SYNJ2: variants seen among roughly 807,000 people sequenced by gnomAD.
The protein encoded by SYNJ2 is synaptojanin 2, also known as polyphosphatidylinositol phosphatase SYNJ2.
SYNJ2 carries 116 observed loss-of-function variants against 141.3 expected under a neutral mutation model. That is an observed-to-expected ratio of 0.82 (90% CI 0.71 to 0.96). SYNJ2 has a LOEUF of 0.96. SYNJ2 is among the 40% of genes least tolerant of loss of function. The pLI, the probability that SYNJ2 is intolerant of heterozygous loss-of-function variation, is 0.00. For synonymous variants in SYNJ2, 745 were observed against 777.7 expected, an observed-to-expected ratio of 0.96 and a Z score of 0.70; for missense variants, 1,873 against 1,934.8, an observed-to-expected ratio of 0.97 and a Z score of 0.60.
chr6:157,981,867 C>T lies in SYNJ2; in HGVS notation c.-95C>T. 1 of 1,118,372 alleles carries T rather than the reference C, an allele frequency of 8.9e-7. No homozygotes were observed. The highest frequency in any genetic ancestry group is 3.3e-5 in the East Asian group (1 of 30,062). The allele number at this position is 1,118,372 out of a possible 1,614,324, so 69.3% of individuals were successfully genotyped here. A position where few individuals can be genotyped will look rare whatever the true frequency, so the allele number is the denominator to read the frequency against. On this transcript the variant is annotated 5_prime_UTR_variant, in exon 1 of 27. Coordinates refer to ENST00000355585, the MANE Select transcript of SYNJ2 (RefSeq NM_003898.4). The surrounding 1 kb of genome is among the most constrained non-coding windows in gnomAD (Gnocchi z 6.4). ...GCGGGAGCGGCGGCGCAAAGTGAAA[C>T]TCTGGCAAGTTGCGGGCGCGCGGGG...
chr6:157,999,094 A>G (rs1777740571), intron 1 of SYNJ2, among the ~76,000 whole-genome samples: 1 of 152,276 alleles, frequency 6.6e-6, no homozygotes, highest in Non-Finnish European at 1.5e-5. Flanking sequence ...CCTATAGATC[A>G]TGAAGAAGGA....
chr6:158,013,985 G>A (rs1778361333), intron 1 of SYNJ2, among the ~76,000 whole-genome samples: 1 of 152,214 alleles, frequency 6.6e-6, no homozygotes, highest in African/African-American at 2.4e-5. Flanking sequence ...GATGATTCCT[G>A]ACTTACGATG....
intron 2 of SYNJ2, among the ~76,000 whole-genome samples, chr6:158,018,819 G>A (rs751390706): frequency 2.0e-5 from 3 of 152,254 alleles, no homozygotes; most frequent in Non-Finnish European, 4.4e-5. Context: ...CTTAGTTGGG[G>A]TTTGAAGCGC....
At chr6:157,992,120 G>A (rs181653935) in intron 1 of SYNJ2, among the ~76,000 whole-genome samples, 75 of 152,264 alleles carry the variant, frequency 4.9e-4, no homozygotes, top group Admixed American at 7.8e-4. Flanking sequence ...TATCTTTTGT[G>A]TTACAAACCA....
rs370094374 is a variant in SYNJ2, at chr6:158,097,953, G to C, written c.*1589G>C. 1 of 151,902 alleles carries C rather than the reference G, an allele frequency of 6.6e-6. No individual in the cohort carries two copies. Among genetic ancestry groups the C allele is most frequent in the African/African-American group, 2.4e-5 (1 of 41,338 alleles). The allele number at this position is 151,902 out of a possible 1,614,324, so 9.4% of individuals were successfully genotyped here. On this transcript the variant is annotated 3_prime_UTR_variant, in exon 27 of 27. Transcript: ENST00000355585. ...TCAGGATGCCGTTGGTGGCATTTACGTGCTTTATATGATTTTTACCTCTGT... is the reference window on the plus strand; with the variant it reads ...TCAGGATGCCGTTGGTGGCATTTACCTGCTTTATATGATTTTTACCTCTGT...
chr6:158,023,449 C>T (rs900519461), intron 2 of SYNJ2, among the ~76,000 whole-genome samples: 23 of 152,040 alleles, frequency 1.5e-4, no homozygotes, highest in African/African-American at 1.9e-4. Context: ...CTCCACACAG[C>T]GGTCCTGAGG....
At position 158,017,041 on chromosome 6, in the gene SYNJ2, G is replaced by A. The variant is rs777174174; in HGVS notation, c.128-163G>A. On this transcript the variant is annotated intron_variant, in intron 1 of 26. Transcript: ENST00000355585. ...CTGAATCCTTGCAGCTCTGTGATTC[G>A]CGAATCATAAAACCTCCACACTTGG... 94 of 1,334,178 alleles carry A rather than the reference G, an allele frequency of 7.0e-5. 1 individual carries two copies. Among genetic ancestry groups the A allele is most frequent in the African/African-American group, 1.0e-4 (7 of 67,098 alleles). The allele number at this position is 1,334,178 out of a possible 1,614,324, so 82.6% of individuals were successfully genotyped here.
chr6:158,093,245 C>T, intron 26 of SYNJ2, 141 bp downstream of exon 26: 1 of 908,142 alleles, frequency 1.1e-6, no homozygotes, highest in South Asian at 1.7e-5. Context: ...ACCAGCCTGA[C>T]CAACATGGTG....
At chr6:158,081,796 TA>T (rs1782709840) in intron 20 of SYNJ2, among the ~76,000 whole-genome samples, 1 of 151,796 alleles carries the variant, frequency 6.6e-6, no homozygotes, top group Non-Finnish European at 1.5e-5. Context: ...TAATTTTTTT[TA>T]AATTTTGTAG....
chr6:157,991,102 A>T (rs957167737), intron 1 of SYNJ2, among the ~76,000 whole-genome samples: 1 of 152,212 alleles, frequency 6.6e-6, no homozygotes, highest in African/African-American at 2.4e-5. Context: ...TGTATCACAG[A>T]TGGAGACTGC....
chr6:157,998,269 GC>G lies in SYNJ2; in HGVS notation c.127+16183del, dbSNP rs1364195334. On this transcript the variant is annotated intron_variant, in intron 1 of 26. Transcript: ENST00000355585. ...GCCAGAATCCCTTATAAAATTACCA[GC>G]CTTACAGAGCCCTGGGTTCACACAG... Among the ~76,000 whole-genome samples the G allele has an allele frequency of 6.6e-5, 10 of 152,214 alleles. 1 individual carries two copies. The highest frequency in any genetic ancestry group is 6.5e-4 in the Admixed American group (10 of 15,286).
chr6:158,076,921 C>T, intron 17 of SYNJ2, 139 bp downstream of exon 17: 1 of 1,061,298 alleles, frequency 9.4e-7, no homozygotes, highest in Non-Finnish European at 1.3e-6. Context: ...AAAGTCATCC[C>T]AGACCTTAAC....
intron 2 of SYNJ2, among the ~76,000 whole-genome samples, chr6:158,019,010 C>T (rs1316286773): frequency 6.6e-6 from 1 of 152,264 alleles, no homozygotes; most frequent in African/African-American, 2.4e-5. Flanking sequence ...AACTTGTTAA[C>T]ACGGCTCCCG....
At chr6:158,051,880 T>C (rs1056622052) in intron 5 of SYNJ2, among the ~76,000 whole-genome samples, 168 of 150,878 alleles carry the variant, frequency 1.1e-3, no homozygotes, top group African/African-American at 3.4e-3. Flanking sequence ...CATTTGAACC[T>C]GGGAGGTTGA....
In SYNJ2 at chr6:158,096,754, G is replaced by T; in HGVS notation, c.*390G>T. 6.2e-6 allele frequency: 1 copy of T among 161,352 alleles called. No individual in the cohort carries two copies. The highest frequency in any genetic ancestry group is 1.3e-5 in the Non-Finnish European group (1 of 74,294). 10.0% of individuals were successfully genotyped at this position (161,352 alleles called of 1,614,324 possible). A position where few individuals can be genotyped will look rare whatever the true frequency, so the allele number is the denominator to read the frequency against. ...TGTTTTATTTGCATTTTACAGATTT[G>T]GTATAACATTTTGGGGAGCCACCTG... On this transcript the variant is annotated 3_prime_UTR_variant, in exon 27 of 27. Coordinates refer to ENST00000355585, the MANE Select transcript of SYNJ2 (RefSeq NM_003898.4).
chr6:158,024,512 A>G (rs1045142091), intron 2 of SYNJ2, among the ~76,000 whole-genome samples: 1 of 152,224 alleles, frequency 6.6e-6, no homozygotes, highest in African/African-American at 2.4e-5. Context: ...GCACACATTC[A>G]GCCAATAGCA....
At chr6:158,015,259 T>C (rs760038801) in intron 1 of SYNJ2, among the ~76,000 whole-genome samples, 1 of 152,200 alleles carries the variant, frequency 6.6e-6, no homozygotes, top group Non-Finnish European at 1.5e-5. Flanking sequence ...TAGTTCCTGG[T>C]TGAAATTCCT....
chr6:158,059,576 CAG>C (rs1411407657), intron 7 of SYNJ2: 1 of 1,227,662 alleles, frequency 8.1e-7, no homozygotes, highest in Non-Finnish European at 1.0e-6. Context: ...TTTTTTAAGA[CAG>C]AGTTTGGCTC....
At chr6:158,048,231 C>G (rs1337268122) in intron 5 of SYNJ2, among the ~76,000 whole-genome samples, 3 of 152,130 alleles carry the variant, frequency 2.0e-5, no homozygotes, top group Non-Finnish European at 4.4e-5. Context: ...GGGCAGCTCT[C>G]CCAGGCTGAG....
Sources: gnomAD v4.1 joint callset for allele counts (sites outside exome capture counted in the v4.1 genomes callset) on GRCh38, gnomAD v4.1.1 for gene constraint, Gnocchi (gnomAD v3.1) non-coding constraint, MANE v1.5 for transcripts, NCBI Gene and HGNC (gene_info 2026-07-23, HGNC 2026-07-21) for gene names.